Variants in TMEM51 observed in about 807,000 individuals in gnomAD.
The protein encoded by TMEM51 is chromosome 1 open reading frame 72.
TMEM51 carries 8 observed loss-of-function variants against 13.6 expected under a neutral mutation model. The ratio of observed to expected loss-of-function variants is 0.59; its 90% CI spans 0.35 to 1.07. The LOEUF (loss-of-function observed/expected upper bound fraction) is 1.07. TMEM51 is among the 50% of genes least tolerant of loss of function. TMEM51 has a pLI of 0.02. For synonymous variants in TMEM51, 147 were observed against 144.4 expected, an observed-to-expected ratio of 1.02 and a Z score of -0.13; for missense variants, 279 against 330.7, an observed-to-expected ratio of 0.84 and a Z score of 1.21.
At chr1:15,177,269 T>C (rs774378216) in intron 1 of TMEM51, among the ~76,000 whole-genome samples, 1 of 152,190 alleles carries the variant, frequency 6.6e-6, no homozygotes, top group Non-Finnish European at 1.5e-5. Flanking sequence ...GACACTTCCA[T>C]GGGCCAGATA....
chr1:15,171,309 C>T, intron 1 of TMEM51: 2 of 1,304,086 alleles, frequency 1.5e-6, no homozygotes, highest in Non-Finnish European at 2.0e-6. Context: ...AGCCAAACTT[C>T]TATGACCTAT....
chr1:15,176,004 C>G (rs1449495233), intron 1 of TMEM51, among the ~76,000 whole-genome samples: 1 of 152,256 alleles, frequency 6.6e-6, no homozygotes, highest in Non-Finnish European at 1.5e-5. Context: ...AAGAACCCAT[C>G]TTCCACCTTG....
chr1:15,210,242 A>C (rs888499055), intron 1 of TMEM51, among the ~76,000 whole-genome samples: 3 of 152,216 alleles, frequency 2.0e-5, no homozygotes, highest in African/African-American at 7.2e-5. Flanking sequence ...GCACATGTCT[A>C]AGATGGATAA....
chr1:15,177,836 G>A (rs974342136), intron 1 of TMEM51, among the ~76,000 whole-genome samples: 7 of 152,198 alleles, frequency 4.6e-5, no homozygotes, highest in African/African-American at 1.7e-4. Flanking sequence ...CATCCCTAAA[G>A]AGGAAGCGAG....
Position 15,219,427 on chromosome 1 carries a change from A to T in TMEM51, c.446A>T (p.Glu149Val), listed in dbSNP as rs1463963778. 3.1e-6 allele frequency: 5 copies of T among 1,613,798 alleles called. No homozygotes were observed. The African/African-American group carries it at 6.7e-5, about 22-fold the overall frequency. ...NTNYSEARGE[E>V]QNPRLSISLP... ...AACTACTCAGAAGCAAGGGGAGAGG[A>T]GCAGAACCCGAGGTTGAGCATCTCT... is the stretch of plus-strand genomic sequence containing the variant. The change falls in exon 4 of 4, where the codon GAG becomes GTG. Residue 149 changes from glutamate to valine, a missense_variant. Physicochemically the swap from Glu to Val is moderately radical, Grantham distance 121. Transcript: ENST00000376008.
upstream of TMEM51, among the ~76,000 whole-genome samples, chr1:15,153,573 G>T (rs1642470171): frequency 6.6e-6 from 1 of 152,126 alleles, no homozygotes; most frequent in Non-Finnish European, 1.5e-5. Flanking sequence ...ATACGCTGGG[G>T]AGTGGGTGCC....
At chr1:15,183,057 C>T (rs1477789470) in intron 1 of TMEM51, among the ~76,000 whole-genome samples, 1 of 152,224 alleles carries the variant, frequency 6.6e-6, no homozygotes, top group Non-Finnish European at 1.5e-5. Flanking sequence ...GCCACCACGC[C>T]CAGCCAATGG....
intron 1 of TMEM51, among the ~76,000 whole-genome samples, chr1:15,200,023 T>C (rs536042163): frequency 6.6e-6 from 1 of 152,172 alleles, no homozygotes; most frequent in South Asian, 2.1e-4. Flanking sequence ...GCGAAGCAAA[T>C]GTGGGCTGGA....
At chr1:15,169,172 G>C (rs553915758) in intron 1 of TMEM51, among the ~76,000 whole-genome samples, 37 of 152,288 alleles carry the variant, frequency 2.4e-4, no homozygotes, top group African/African-American at 8.4e-4. Flanking sequence ...GCTAGAAAGT[G>C]AGGGAGTCGG....
At position 15,215,409 on chromosome 1, in the gene TMEM51, C is replaced by T; in HGVS notation, c.322C>T (p.Pro108Ser). The change falls in exon 3 of 4, where the codon CCT becomes TCT. Residue 108 changes from proline (P) to serine (S), a missense_variant. Transcript: ENST00000376008. ...TGTCCAGCACCCGACAGGCGCTGGG[C>T]CTCACGCCCAGGAGGAAGACAGGTG... ...AHVQHPTGAG[P>S]HAQEEDSQEE... The T allele has an allele frequency of 6.2e-7, 1 of 1,605,458 alleles. No individual in the cohort carries two copies. Among genetic ancestry groups the T allele is most frequent in the Non-Finnish European group, 8.5e-7 (1 of 1,177,194 alleles).
chr1:15,178,524 G>A (rs1243138637), intron 1 of TMEM51, among the ~76,000 whole-genome samples: 1 of 152,134 alleles, frequency 6.6e-6, no homozygotes, highest in African/African-American at 2.4e-5. Context: ...GTGCTTCCGG[G>A]GTCTTCAGAT....
upstream of TMEM51, chr1:15,152,614 C>T (rs1211787474): frequency 2.6e-5 from 4 of 152,420 alleles, no homozygotes; most frequent in South Asian, 6.2e-4. Context: ...TGACCTCTCT[C>T]GGAATTCAAA....
upstream of TMEM51, among the ~76,000 whole-genome samples, chr1:15,153,350 T>A (rs1190316912): frequency 6.6e-6 from 1 of 152,102 alleles, no homozygotes; most frequent in Non-Finnish European, 1.5e-5. Flanking sequence ...CCCTAAAACC[T>A]GGGACTTCTA....
intron 1 of TMEM51, among the ~76,000 whole-genome samples, chr1:15,203,513 G>T (rs139290053): frequency 2.0e-5 from 3 of 151,754 alleles, no homozygotes; most frequent in Non-Finnish European, 4.4e-5. Flanking sequence ...CACCCGCATC[G>T]GCTTCCCAAG....
intron 2 of TMEM51, among the ~76,000 whole-genome samples, chr1:15,213,601 C>T (rs755147757): frequency 2.6e-5 from 4 of 152,190 alleles, no homozygotes; most frequent in Non-Finnish European, 4.4e-5. Flanking sequence ...TTCTCTGGCT[C>T]GCTCTCAACC....
intron 1 of TMEM51, among the ~76,000 whole-genome samples, chr1:15,202,715 C>G (rs185907099): frequency 1.3e-5 from 2 of 152,200 alleles, no homozygotes; most frequent in East Asian, 3.9e-4. Context: ...ATCTCCCCAT[C>G]TCAAGATTCT....
chr1:15,213,729 A>C (rs182485673), intron 2 of TMEM51, among the ~76,000 whole-genome samples: 1 of 152,336 alleles, frequency 6.6e-6, no homozygotes, highest in East Asian at 1.9e-4. Flanking sequence ...GAGAGGAAGA[A>C]TGTGCAGGCC....
At chr1:15,217,186 C>T (rs2312334) in intron 3 of TMEM51, among the ~76,000 whole-genome samples, 127,200 of 152,054 alleles carry the variant, frequency 0.84, 53,676 homozygotes, top group East Asian at 0.97. Flanking sequence ...CTTGTGGGTA[C>T]ACACCAGAAG....
intron 1 of TMEM51, among the ~76,000 whole-genome samples, chr1:15,193,709 C>T (rs1365666772): frequency 1.3e-5 from 2 of 151,866 alleles, no homozygotes; most frequent in African/African-American, 4.8e-5. Context: ...CGTGCCACCA[C>T]GCCCAGCTAA....
Sources: allele counts gnomAD v4.1 joint callset (sites outside exome capture counted in the v4.1 genomes callset), GRCh38; gene constraint gnomAD v4.1.1; transcripts MANE v1.5; gene names NCBI Gene and HGNC (gene_info 2026-07-23, HGNC 2026-07-21).